GSR: variants seen among roughly 807,000 people sequenced by gnomAD.
GSR encodes the protein glutathione-disulfide reductase, also known as glutathione reductase, mitochondrial.
A neutral mutation model predicts 56.5 loss-of-function variants in GSR; 48 were observed. The ratio of observed to expected loss-of-function variants is 0.85; its 90% confidence interval spans 0.67 to 1.08. The LOEUF is 1.08. GSR is among the 50% of genes least tolerant of loss of function. The pLI is 0.00. For synonymous variants in GSR, 264 were observed against 270.8 expected (o/e 0.97, Z 0.25); for missense variants, 694 against 703.3 (o/e 0.99, Z 0.15).
At chr8:30,700,854 G>T (rs1201944238) in intron 5 of GSR, among the ~76,000 whole-genome samples, 1 of 150,830 alleles carries the variant, frequency 6.6e-6, no homozygotes, top group Non-Finnish European at 1.5e-5. Context: ...AAATATACAT[G>T]TAGTGAAAAG....
chr8:30,682,977 G>C (rs763528136), intron 10 of GSR, among the ~76,000 whole-genome samples: 1 of 151,990 alleles, frequency 6.6e-6, no homozygotes, highest in African/African-American at 2.4e-5. Flanking sequence ...ACAGGCGTGT[G>C]CCACCACGCC....
chr8:30,690,945 G>A (rs1001459856), intron 8 of GSR, among the ~76,000 whole-genome samples: 7 of 152,056 alleles, frequency 4.6e-5, no homozygotes, highest in African/African-American at 1.4e-4. Context: ...GCATGCACCT[G>A]TAGAAGCTAG....
At chr8:30,687,371 C>T (rs933440430) in intron 9 of GSR, among the ~76,000 whole-genome samples, 1 of 151,902 alleles carries the variant, frequency 6.6e-6, no homozygotes, top group African/African-American at 2.4e-5. Flanking sequence ...TCAGGCTGGG[C>T]GCAGTGGCTT....
intron 1 of GSR, among the ~76,000 whole-genome samples, chr8:30,723,642 AT>A (rs1354561695): frequency 6.6e-6 from 1 of 151,868 alleles, no homozygotes; most frequent in Non-Finnish European, 1.5e-5. Flanking sequence ...AATACAAAAA[AT>A]TTGCCAGGCG....
chr8:30,696,958 C>T lies in GSR; in HGVS notation c.696-479G>A, dbSNP rs556798704. Among the ~76,000 whole-genome samples the T allele has an allele frequency of 4.6e-5, 7 of 152,250 alleles. No homozygotes were observed. In the East Asian group the frequency reaches 1.4e-3, roughly 29 times the overall value. ...AAGCAATGCTCTTACCTTGGCCTCC[C>T]AAAGTGCCGGCATTACAGGTGTAAG... On this transcript the variant is annotated intron_variant, in intron 6 of 12. Coordinates refer to ENST00000221130, the MANE Select transcript of GSR (RefSeq NM_000637.5).
At chr8:30,683,999 C>T (rs915609041) in intron 10 of GSR, 89 bp downstream of exon 10, 5 of 793,514 alleles carry the variant, frequency 6.3e-6, no homozygotes, top group Admixed American at 3.4e-5. Flanking sequence ...TTTAACTTTG[C>T]TTAAGCAGAC....
chr8:30,727,587 C>T lies in GSR; in HGVS notation c.249G>A (p.Ala83=). The change falls in exon 1 of 13, where the codon GCG becomes GCA. Residue 83 remains alanine (A), a synonymous_variant. Coordinates refer to ENST00000221130, the MANE Select transcript of GSR (RefSeq NM_000637.5). ...CGGCGGCCCTGGCACCCAGCTCGGC[C>T]GCCCTGCGCGCGCTGGCCAGCCCGC... ...GSGGLASARR[A]AELGARAAVV... The T allele has an allele frequency of 6.5e-7, 1 of 1,530,270 alleles. No homozygotes were observed. Among genetic ancestry groups the T allele is most frequent in the Non-Finnish European group, 8.7e-7 (1 of 1,143,312 alleles). The allele number at this position is 1,530,270 out of a possible 1,614,324, so 94.8% of individuals were successfully genotyped here.
intron 10 of GSR, 31 bp downstream of exon 10, chr8:30,684,057 C>A (rs939947324): frequency 4.5e-6 from 5 of 1,105,704 alleles, no homozygotes; most frequent in African/African-American, 3.1e-5. Flanking sequence ...ACACGCAGAC[C>A]CTCCCTCACC....
chr8:30,722,075 C>T (rs966036320), intron 1 of GSR, among the ~76,000 whole-genome samples: 5 of 151,656 alleles, frequency 3.3e-5, no homozygotes, highest in African/African-American at 4.8e-5. Flanking sequence ...AAGAAATAGA[C>T]ACCCTGAAGG....
At chr8:30,697,143 C>T (rs1803571173) in intron 6 of GSR, among the ~76,000 whole-genome samples, 2 of 152,008 alleles carry the variant, frequency 1.3e-5, no homozygotes, top group African/African-American at 4.8e-5. Context: ...AGGCCAGGCA[C>T]GGTGGCTCAT....
chr8:30,707,734 C>A (rs8190958), intron 4 of GSR, among the ~76,000 whole-genome samples: 5,667 of 151,962 alleles, frequency 0.037, 340 homozygotes, highest in African/African-American at 0.13. Flanking sequence ...GTGGGCAGAT[C>A]ACCTGAGGTC....
chr8:30,727,124 G>A (rs1804753600), intron 1 of GSR: 1 of 171,040 alleles, frequency 5.8e-6, no homozygotes, highest in Non-Finnish European at 1.2e-5. Flanking sequence ...CATTTTTCAA[G>A]AACCAGGATC....
intron 4 of GSR, chr8:30,704,876 G>A (rs1803871032): frequency 6.6e-6 from 1 of 152,194 alleles, no homozygotes; most frequent in Non-Finnish European, 1.5e-5. Flanking sequence ...TAGACAAAAA[G>A]GAGTATGGCT....
At chr8:30,700,723 C>CAAAAAAACAAA (rs1803705962) in intron 5 of GSR, among the ~76,000 whole-genome samples, 1 of 80,044 alleles carries the variant, frequency 1.2e-5, no homozygotes, top group Non-Finnish European at 2.4e-5. Context: ...ATTTTGTCTC[C>CAAAAAAACAAA]AAAAAAAAAA....
chr8:30,708,711 C>T (rs1381848316), intron 3 of GSR, among the ~76,000 whole-genome samples: 1 of 152,080 alleles, frequency 6.6e-6, no homozygotes, highest in African/African-American at 2.4e-5. Flanking sequence ...AATCCCAGCA[C>T]TTTGGGAGGC....
intron 4 of GSR, among the ~76,000 whole-genome samples, chr8:30,704,123 G>A (rs1324520202): frequency 2.0e-5 from 3 of 152,044 alleles, no homozygotes; most frequent in African/African-American, 7.2e-5. Context: ...TCGGGAGTTC[G>A]AGACCAGCCT....
intron 1 of GSR, among the ~76,000 whole-genome samples, chr8:30,720,895 T>A (rs889834529): frequency 4.6e-5 from 7 of 151,962 alleles, no homozygotes; most frequent in Admixed American, 4.6e-4. Flanking sequence ...GGGTCAAGAC[T>A]GGAGGATCCT....
Position 30,689,153 on chromosome 8 carries a change from C to T in GSR, c.1041+8G>A, listed in dbSNP as rs1803272630. Reference sequence around the variant, plus strand: ...CACAAATGTTTCGGGCAGACCAAGCCAGCTTACCAGTTTGTTTAAACTCAG... The same window carrying T: ...CACAAATGTTTCGGGCAGACCAAGCTAGCTTACCAGTTTGTTTAAACTCAG... On this transcript the variant is annotated splice_region_variant and intron_variant, in intron 9 of 12. Coordinates refer to ENST00000221130, the MANE Select transcript of GSR (RefSeq NM_000637.5). 6.2e-7 allele frequency: 1 copy of T among 1,613,574 alleles called. No homozygotes were observed. The highest frequency in any genetic ancestry group is 8.5e-7 in the Non-Finnish European group (1 of 1,179,750).
At chr8:30,690,402 C>G (rs558543016) in intron 8 of GSR, among the ~76,000 whole-genome samples, 49 of 152,166 alleles carry the variant, frequency 3.2e-4, no homozygotes, top group Middle Eastern at 3.4e-3. Context: ...TCAACTGATT[C>G]TCCTCCTGCC....
Sources: allele counts gnomAD v4.1 joint callset (sites outside exome capture counted in the v4.1 genomes callset), GRCh38; gene constraint gnomAD v4.1.1; transcripts MANE v1.5; gene names NCBI Gene and HGNC (gene_info 2026-07-23, HGNC 2026-07-21).